Variants in GALNT17 observed in about 807,000 individuals in gnomAD.
GALNT17 encodes UDP-GalNAc:polypeptide N-acetylgalactosaminyltransferase-like 3.
A neutral mutation model predicts 63.7 loss-of-function variants in GALNT17; 29 were observed. The observed-to-expected ratio is 0.46, with a 90% CI of 0.34 to 0.62. The LOEUF (loss-of-function observed/expected upper bound fraction) is 0.62, where lower values mean the gene tolerates loss of function less well. Ranked by LOEUF, GALNT17 falls within the 20% of genes least tolerant of loss-of-function variation. GALNT17 has a pLI of 0.01. For missense variants in GALNT17, 603 were observed against 799.6 expected (o/e 0.75, Z 2.97); for synonymous variants, 305 against 318.3 (o/e 0.96, Z 0.45).
At chr7:71,302,746 G>A (rs1791223647) in intron 1 of GALNT17, among the ~76,000 whole-genome samples, 1 of 152,132 alleles carries the variant, frequency 6.6e-6, no homozygotes, top group Admixed American at 6.5e-5. Context: ...TAAATTGAGA[G>A]TCTGTTGAAC....
intron 3 of GALNT17, among the ~76,000 whole-genome samples, chr7:71,396,158 C>G (rs899186022): frequency 1.3e-5 from 2 of 151,924 alleles, no homozygotes; most frequent in Non-Finnish European, 2.9e-5. Context: ...GGTGCTTGAG[C>G]TTTTGGTGTC....
intron 2 of GALNT17, among the ~76,000 whole-genome samples, chr7:71,377,662 T>C (rs1446012911): frequency 6.6e-6 from 1 of 152,216 alleles, no homozygotes; most frequent in Non-Finnish European, 1.5e-5. Flanking sequence ...CACCCAAATC[T>C]CATCTCTAAT....
At chr7:71,444,944 C>T (rs1240547322) in intron 5 of GALNT17, among the ~76,000 whole-genome samples, 1 of 152,170 alleles carries the variant, frequency 6.6e-6, no homozygotes, top group East Asian at 1.9e-4. Context: ...TGTTTTATTA[C>T]TCATCACAAG....
Position 71,309,476 on chromosome 7 carries a change from G to A in GALNT17, c.239-26074G>A, listed in dbSNP as rs146084691. On this transcript the variant is annotated intron_variant, in intron 1 of 10. Transcript: ENST00000333538. ...GAGGAAGCCATGCATGCTCCCTGCC[G>A]AGACCAAGGAGAGAAAACCATGCCT... 8.2e-4 allele frequency among the ~76,000 whole-genome samples: 124 copies of A among 152,124 alleles called. 1 individual carries two copies. In the East Asian group the frequency reaches 8.7e-3, roughly 11 times the overall value.
intron 1 of GALNT17, among the ~76,000 whole-genome samples, chr7:71,156,669 C>G (rs1365276831): frequency 1.4e-5 from 2 of 144,040 alleles, no homozygotes; most frequent in African/African-American, 5.3e-5. Context: ...TTCCTTCTTC[C>G]CTCCCTCCCT....
At chr7:71,214,384 G>A (rs1015560192) in intron 1 of GALNT17, among the ~76,000 whole-genome samples, 3 of 152,124 alleles carry the variant, frequency 2.0e-5, no homozygotes, top group Admixed American at 6.5e-5. Context: ...TGTTTGTTAC[G>A]TTTCTTTAAA....
At chr7:71,321,448 G>C (rs1228988335) in intron 1 of GALNT17, among the ~76,000 whole-genome samples, 1 of 152,210 alleles carries the variant, frequency 6.6e-6, no homozygotes, top group Non-Finnish European at 1.5e-5. Flanking sequence ...CTGAGAGTGA[G>C]GTTCGGGCCT....
chr7:71,318,941 G>C (rs982445488), intron 1 of GALNT17, among the ~76,000 whole-genome samples: 1 of 152,116 alleles, frequency 6.6e-6, no homozygotes, highest in Non-Finnish European at 1.5e-5. Context: ...CCCATTGTAC[G>C]CATGTGAGTT....
chr7:71,197,269 C>T (rs961017094), intron 1 of GALNT17, among the ~76,000 whole-genome samples: 3 of 148,024 alleles, frequency 2.0e-5, no homozygotes, highest in Admixed American at 6.7e-5. Flanking sequence ...GCGCGATCTC[C>T]GCTCACTGCA....
At chr7:71,569,576 A>G (rs958770697) in intron 5 of GALNT17, among the ~76,000 whole-genome samples, 9 of 152,204 alleles carry the variant, frequency 5.9e-5, no homozygotes, top group Non-Finnish European at 1.3e-4. Flanking sequence ...CTCGGCCAGA[A>G]GATGCATTGC....
intron 6 of GALNT17, among the ~76,000 whole-genome samples, chr7:71,592,559 C>CTAAA (rs1789823122): frequency 3.9e-5 from 2 of 51,330 alleles, no homozygotes; most frequent in African/African-American, 1.0e-4. Context: ...CATAGCATAG[C>CTAAA]ATACTAAAAT....
rs541585671 is a variant in GALNT17, at chr7:71,162,057, T to G, written c.238+29017T>G. On this transcript the variant is annotated intron_variant, in intron 1 of 10. Coordinates refer to ENST00000333538, the MANE Select transcript of GALNT17 (RefSeq NM_022479.3). ...TTCCCTCCCTCCCTCCCTTCCTCCC[T>G]TTCCTTCCTTCCTTCCTTCCTTCTT... Among the ~76,000 whole-genome samples the G allele has an allele frequency of 5.6e-4, 48 of 86,044 alleles. 1 individual carries two copies. The South Asian group carries it at 0.023, about 41-fold the overall frequency. 56.4% of individuals were successfully genotyped at this position (86,044 alleles called of 152,430 possible).
rs151170498 is a variant in GALNT17, at chr7:71,420,679, G to A, written c.765-229G>A. The stretch of plus-strand genomic sequence containing the variant: ...GGGCCAGAGCAGGCATCACTCTAGT[G>A]ATTCCAACAAGGGGAAAGGGGTGCG... On this transcript the variant is annotated intron_variant, in intron 4 of 10. Transcript: ENST00000333538. Among the ~76,000 whole-genome samples the A allele has an allele frequency of 4.5e-3, 680 of 152,274 alleles. 4 individuals carry two copies. Among genetic ancestry groups the A allele is most frequent in the Non-Finnish European group, 7.3e-3 (495 of 68,020 alleles).
At chr7:71,183,252 A>G (rs1788768299) in intron 1 of GALNT17, among the ~76,000 whole-genome samples, 1 of 152,086 alleles carries the variant, frequency 6.6e-6, no homozygotes, top group Non-Finnish European at 1.5e-5. Context: ...ACCTGGTACT[A>G]GGCAGCTGAT....
chr7:71,354,087 G>C (rs1049698736), intron 2 of GALNT17, among the ~76,000 whole-genome samples: 3 of 152,094 alleles, frequency 2.0e-5, no homozygotes, highest in African/African-American at 7.2e-5. Context: ...TACCATGGGG[G>C]AATGGTGTTA....
chr7:71,231,708 G>A (rs1432841363), intron 1 of GALNT17, among the ~76,000 whole-genome samples: 1 of 148,560 alleles, frequency 6.7e-6, no homozygotes, highest in Non-Finnish European at 1.5e-5. Flanking sequence ...AGAGAAAAGA[G>A]AAGAGGGGAG....
At chr7:71,450,138 G>GTT (rs1563101988) in intron 5 of GALNT17, among the ~76,000 whole-genome samples, 1 of 97,752 alleles carries the variant, frequency 1.0e-5, no homozygotes, top group African/African-American at 3.6e-5. Flanking sequence ...AGTATTTAAA[G>GTT]ATTTTTTTTT....
intron 3 of GALNT17, among the ~76,000 whole-genome samples, chr7:71,406,698 G>A (rs1385436967): frequency 1.3e-5 from 2 of 150,446 alleles, no homozygotes; most frequent in African/African-American, 2.4e-5. Context: ...GTTATTTCAG[G>A]CATAAAGGTA....
chr7:71,202,956 A>G (rs1013119414), intron 1 of GALNT17, among the ~76,000 whole-genome samples: 4 of 152,158 alleles, frequency 2.6e-5, no homozygotes, highest in Admixed American at 1.3e-4. Context: ...TTCCTTCTTT[A>G]TAAAGGCTGA....
Sources: allele counts gnomAD v4.1 joint callset (sites outside exome capture counted in the v4.1 genomes callset), GRCh38; gene constraint gnomAD v4.1.1; transcripts MANE v1.5; gene names NCBI Gene and HGNC (gene_info 2026-07-23, HGNC 2026-07-21).